GRB10: variants seen among roughly 807,000 people sequenced by gnomAD.
GRB10 encodes growth factor receptor-bound protein 10.
A neutral mutation model predicts 80.9 loss-of-function variants in GRB10; 20 were observed. That is an observed-to-expected ratio of 0.25 (90% confidence interval 0.17 to 0.36). The LOEUF (loss-of-function observed/expected upper bound fraction) is 0.36. GRB10 is among the 10% of genes least tolerant of loss of function. The probability of loss-of-function intolerance (pLI) is 1.00; values close to 1 mark genes in which losing one functional copy is unlikely to be tolerated. For synonymous variants in GRB10, 291 were observed against 291.5 expected (o/e 1.00, Z 0.02); for missense variants, 548 against 747.7 (o/e 0.73, Z 3.12).
chr7:50,690,394 C>T (rs1473054596), intron 5 of GRB10, among the ~76,000 whole-genome samples: 1 of 152,048 alleles, frequency 6.6e-6, no homozygotes, highest in African/African-American at 2.4e-5. Flanking sequence ...ATAATACAGA[C>T]ATTGGATTTT....
chr7:50,754,849 CAG>C (rs1291007601), intron 3 of GRB10, among the ~76,000 whole-genome samples: 1 of 152,172 alleles, frequency 6.6e-6, no homozygotes, highest in Non-Finnish European at 1.5e-5. Context: ...TATTTGGAAA[CAG>C]AGCCTTTACA....
intron 7 of GRB10, among the ~76,000 whole-genome samples, chr7:50,649,953 G>T (rs1266974111): frequency 6.6e-6 from 1 of 152,178 alleles, no homozygotes; most frequent in African/African-American, 2.4e-5. Context: ...CCTTTCAGTG[G>T]TGACTTGTCC....
intron 17 of GRB10, chr7:50,595,863 T>C (rs1366488850): frequency 3.8e-6 from 1 of 260,554 alleles, no homozygotes; most frequent in Admixed American, 4.9e-5. Context: ...CAAAGAATAA[T>C]GAGGACATGT....
At chr7:50,773,888 C>T (rs918664250) in intron 2 of GRB10, among the ~76,000 whole-genome samples, 3 of 152,206 alleles carry the variant, frequency 2.0e-5, no homozygotes, top group African/African-American at 7.2e-5. Context: ...GACGAAGTCT[C>T]GCTCTATCAC....
Position 50,781,749 on chromosome 7 carries a change from A to G in GRB10, c.-327+675T>C, listed in dbSNP as rs2078303740. ...GAACAGGTGATCCGATTGTTTTTCT[A>G]AAGAGCAAGGGCTAGGACGTCCTAC... On this transcript the variant is annotated intron_variant, in intron 1 of 18. Transcript: ENST00000401949. Among the ~76,000 whole-genome samples the G allele has an allele frequency of 3.9e-5, 6 of 152,238 alleles. No homozygotes were observed. In the South Asian group the frequency reaches 1.2e-3, roughly 31 times the overall value.
At chr7:50,687,982 G>C (rs1363953120) in intron 5 of GRB10, among the ~76,000 whole-genome samples, 1 of 152,216 alleles carries the variant, frequency 6.6e-6, no homozygotes, top group Non-Finnish European at 1.5e-5. Context: ...GTATGCTGGT[G>C]AAAAAGAGTG....
chr7:50,732,326 T>C lies in GRB10; in HGVS notation c.-4A>G. The C allele has an allele frequency of 6.2e-7, 1 of 1,613,874 alleles. No individual in the cohort carries two copies. Among genetic ancestry groups the C allele is most frequent in the Non-Finnish European group, 8.5e-7 (1 of 1,179,856 alleles). On this transcript the variant is annotated 5_prime_UTR_variant, in exon 4 of 19. Coordinates refer to ENST00000401949, the MANE Select transcript of GRB10 (RefSeq NM_001350814.2). Reference sequence around the variant, plus strand: ...CTGGGCAGCCGGCTAAAGCCATGGGTTCCTTCTGCCTTCTTCAAATTACAT... The same window carrying C: ...CTGGGCAGCCGGCTAAAGCCATGGGCTCCTTCTGCCTTCTTCAAATTACAT...
chr7:50,730,291 C>T (rs1023446267), intron 4 of GRB10, among the ~76,000 whole-genome samples: 10 of 152,196 alleles, frequency 6.6e-5, no homozygotes, highest in Non-Finnish European at 1.0e-4. Context: ...CAGTGACTCA[C>T]GGACTGAACC....
chr7:50,763,056 T>C (rs2075934241), intron 2 of GRB10, among the ~76,000 whole-genome samples: 1 of 150,478 alleles, frequency 6.6e-6, no homozygotes, highest in Non-Finnish European at 1.5e-5. Context: ...AGGCGGAGCT[T>C]GCAGCGAGCC....
At chr7:50,779,852 C>G (rs2078097284) in intron 2 of GRB10, 3 of 152,210 alleles carry the variant, frequency 2.0e-5, no homozygotes, top group African/African-American at 4.8e-5. Flanking sequence ...TCTTCCCTCA[C>G]TAATATGAGA....
At chr7:50,735,847 T>C (rs1236712534) in intron 3 of GRB10, among the ~76,000 whole-genome samples, 3 of 152,150 alleles carry the variant, frequency 2.0e-5, no homozygotes, top group Admixed American at 6.5e-5. Context: ...ATTTTTTGTT[T>C]GCCTTTTGAG....
rs772629802 is a variant in GRB10, at chr7:50,605,305, C to T, written c.1374G>A (p.Glu458=). ...GGGGCCTTACCCTCCAGGCGTGGCCCTCCTCCAGGGCTGCGCTCTGGGCCT... is the reference window on the plus strand; with the variant it reads ...GGGGCCTTACCCTCCAGGCGTGGCCTTCCTCCAGGGCTGCGCTCTGGGCCT... ...PAEAQSAALE[E]GHAWRKRSTR... The change falls in exon 15 of 19, where the codon GAG becomes GAA. Residue 458 remains glutamate (E), a synonymous_variant. Transcript: ENST00000401949. 3 of 1,613,740 alleles carry T rather than the reference C, an allele frequency of 1.9e-6. No homozygotes were observed. Among genetic ancestry groups the T allele is most frequent in the South Asian group, 2.2e-5 (2 of 91,076 alleles).
At chr7:50,788,502 C>T (rs560294531) in intron 1 of GRB10, among the ~76,000 whole-genome samples, 35 of 152,288 alleles carry the variant, frequency 2.3e-4, no homozygotes, top group Admixed American at 1.2e-3. Context: ...CAGTCCCCAA[C>T]GCAGTGCCAC....
intron 1 of GRB10, chr7:50,792,342 T>A: frequency 2.6e-6 from 1 of 391,982 alleles, no homozygotes; most frequent in Non-Finnish European, 4.5e-6. Flanking sequence ...CACCTGTGGC[T>A]CTCTTACATT....
chr7:50,792,417 G>T (rs1051487667), intron 1 of GRB10: 8 of 398,254 alleles, frequency 2.0e-5, no homozygotes, highest in Non-Finnish European at 3.5e-5. Context: ...AAGAAAAGAC[G>T]CACACAATAA....
Position 50,606,285 on chromosome 7 carries a change from G to A in GRB10, c.1272+52C>T, listed in dbSNP as rs984576716. 2.2e-6 allele frequency: 3 copies of A among 1,381,606 alleles called. No individual in the cohort carries two copies. The East Asian group carries it at 6.8e-5, about 32-fold the overall frequency. The allele number at this position is 1,381,606 out of a possible 1,614,324, so 85.6% of individuals were successfully genotyped here. On this transcript the variant is annotated intron_variant, in intron 14 of 18. Transcript: ENST00000401949. ...GAAATGAGGCGTCCTTAACACATGT[G>A]ATGCAGAAGCTGAAAAGGCACTAGA...
At chr7:50,653,968 T>C (rs1016039393) in intron 7 of GRB10, among the ~76,000 whole-genome samples, 2 of 152,186 alleles carry the variant, frequency 1.3e-5, no homozygotes, top group East Asian at 1.9e-4. Flanking sequence ...CTTGAGACCA[T>C]GAGGTCTTTA....
At chr7:50,756,145 C>T in intron 2 of GRB10, 89 bp from the exon 3 acceptor site, 1 of 398,272 alleles carries the variant, frequency 2.5e-6, no homozygotes, top group Non-Finnish European at 4.4e-6. Context: ...ACTTTTAAAA[C>T]AGACATGAAA....
intron 7 of GRB10, among the ~76,000 whole-genome samples, chr7:50,659,064 G>A (rs768342417): frequency 6.6e-6 from 1 of 152,210 alleles, no homozygotes; most frequent in Non-Finnish European, 1.5e-5. Flanking sequence ...AGTGCGTTCT[G>A]TGTAAAGTTT....
Sources: gnomAD v4.1 joint callset for allele counts (sites outside exome capture counted in the v4.1 genomes callset) on GRCh38, gnomAD v4.1.1 for gene constraint, MANE v1.5 for transcripts, NCBI Gene and HGNC (gene_info 2026-07-23, HGNC 2026-07-21) for gene names.